Variants in CCDC66 observed in about 807,000 individuals in gnomAD.
CCDC66 encodes the protein coiled-coil domain containing 66, also known as coiled-coil domain-containing protein 66.
CCDC66 carries 133 observed loss-of-function variants against 128.3 expected under a neutral mutation model. That is an observed-to-expected ratio of 1.04 (90% CI 0.90 to 1.20). The LOEUF is 1.20. Ranked by LOEUF, CCDC66 falls within the 50% of genes most tolerant of loss-of-function variation. The pLI is 0.00. For missense variants in CCDC66, 1,126 were observed against 1,075.5 expected (o/e 1.05, Z -0.66); for synonymous variants, 387 against 357.0 (o/e 1.08, Z -0.95).
chr3:56,569,619 T>C (rs1434461275), intron 6 of CCDC66: 3 of 152,560 alleles, frequency 2.0e-5, no homozygotes, highest in Non-Finnish European at 4.4e-5. Context: ...GGGACAAATA[T>C]CCAAACTGTA....
At chr3:56,557,492 C>T (rs1185109394) in intron 1 of CCDC66, among the ~76,000 whole-genome samples, 1 of 152,090 alleles carries the variant, frequency 6.6e-6, no homozygotes, top group Non-Finnish European at 1.5e-5. Context: ...GCCAGTGATC[C>T]CCTTTCGGTC....
In CCDC66 at chr3:56,565,157, A is replaced by G. The variant is rs774096323; in HGVS notation, c.544+1032A>G. On this transcript the variant is annotated intron_variant, in intron 4 of 17. Transcript: ENST00000394672. ...AGCTGGGCATAGAGACAATTCATGA[A>G]AAGGTTTTCCACTGATTTCACAGCT... is the stretch of plus-strand genomic sequence containing the variant. 21 of 426,220 alleles carry G rather than the reference A, an allele frequency of 4.9e-5. No individual in the cohort carries two copies. In the Middle Eastern group the frequency reaches 1.0e-3, roughly 20 times the overall value. 26.4% of individuals were successfully genotyped at this position (426,220 alleles called of 1,614,324 possible).
At chr3:56,578,302 T>A (rs1347390200) in intron 7 of CCDC66, among the ~76,000 whole-genome samples, 3 of 151,834 alleles carry the variant, frequency 2.0e-5, no homozygotes, top group Non-Finnish European at 4.4e-5. Context: ...CTTAAGGAGA[T>A]TTGGGGCTGA....
intron 12 of CCDC66, 45 bp downstream of exon 12, chr3:56,615,317 G>A: frequency 6.5e-7 from 1 of 1,535,154 alleles, no homozygotes; most frequent in Non-Finnish European, 8.8e-7. Flanking sequence ...TTTAGAAGAT[G>A]ATTTTAAATA....
intron 10 of CCDC66, among the ~76,000 whole-genome samples, chr3:56,612,637 G>T (rs952546652): frequency 3.9e-5 from 6 of 152,202 alleles, no homozygotes; most frequent in Admixed American, 3.9e-4. Flanking sequence ...AGCAGCCAGT[G>T]GTGGTGTTGG....
At chr3:56,613,811 C>CAAAAACACAA in intron 11 of CCDC66, 61 bp downstream of exon 11, 1 of 1,412,388 alleles carries the variant, frequency 7.1e-7, no homozygotes, top group Non-Finnish European at 9.8e-7. Flanking sequence ...GACAGGGTCT[C>CAAAAACACAA]ACTCTTTTGC....
intron 3 of CCDC66, among the ~76,000 whole-genome samples, chr3:56,563,252 T>G (rs1396514058): frequency 6.6e-6 from 1 of 151,918 alleles, no homozygotes; most frequent in Non-Finnish European, 1.5e-5. Context: ...TCCCAGCTAC[T>G]CAGGTGGCTG....
rs781723355 is a variant in CCDC66 at position 56,593,554 on chromosome 3, T to C, written c.1132T>C (p.Ser378Pro). The C allele has an allele frequency of 1.9e-6, 3 of 1,614,110 alleles. No individual in the cohort carries two copies. In the Admixed American group the frequency reaches 5.0e-5, roughly 27 times the overall value. ...DSLKSYPGSQ[S>P]QLFSQSTHKQ... ...ATTAAAGAGTTATCCTGGTTCTCAA[T>C]CTCAGCTGTTCTCTCAGTCAACACA... The change falls in exon 9 of 18, where the codon TCT becomes CCT. Residue 378 changes from serine to proline, a missense_variant. Coordinates refer to ENST00000394672, the MANE Select transcript of CCDC66 (RefSeq NM_001141947.3).
At position 56,613,736 on chromosome 3, in the gene CCDC66, C is replaced by G; in HGVS notation, c.1552C>G (p.Gln518Glu). The change falls in exon 11 of 18, where the codon CAA becomes GAA. Residue 518 changes from glutamine to glutamate, a missense_variant. By Grantham distance (29) the Gln-to-Glu change is conservative. Transcript: ENST00000394672. ...ACAGTATGAAGAAGACATACTTAAG[C>G]AAAAACAAAAGGAAGTAGGTACTTA... ...QKQYEEDILK[Q>E]KQKEEIMTLK... The G allele has an allele frequency of 6.2e-7, 1 of 1,604,366 alleles. No homozygotes were observed. Among genetic ancestry groups the G allele is most frequent in the Non-Finnish European group, 8.5e-7 (1 of 1,176,912 alleles).
At chr3:56,597,776 G>GTTTTTTTTTTTTTTTTT (rs753875788) in intron 10 of CCDC66, among the ~76,000 whole-genome samples, 13,397 of 60,378 alleles carry the variant, frequency 0.22, 3,393 homozygotes, top group Non-Finnish European at 0.27. Flanking sequence ...TTTGTTTTGG[G>GTTTTTTTTTTTTTTTTT]GTTTTTTTTT....
chr3:56,597,523 A>T (rs747522968), intron 10 of CCDC66, among the ~76,000 whole-genome samples: 1 of 151,908 alleles, frequency 6.6e-6, no homozygotes, highest in Non-Finnish European at 1.5e-5. Context: ...ATGTCTTGCC[A>T]TTTGTTTGTA....
At chr3:56,606,593 G>A (rs1045091252) in intron 10 of CCDC66, among the ~76,000 whole-genome samples, 4 of 152,000 alleles carry the variant, frequency 2.6e-5, no homozygotes, top group Middle Eastern at 3.4e-3. Context: ...GCTTCGGCTC[G>A]CTCTCTGTGG....
chr3:56,602,576 G>A (rs1221995594), intron 10 of CCDC66, among the ~76,000 whole-genome samples: 1 of 151,964 alleles, frequency 6.6e-6, no homozygotes, highest in Non-Finnish European at 1.5e-5. Context: ...TGTACCTCTG[G>A]TAGAATTCTG....
At chr3:56,560,438 A>C (rs1170833290) in intron 3 of CCDC66, among the ~76,000 whole-genome samples, 2 of 152,124 alleles carry the variant, frequency 1.3e-5, no homozygotes, top group Non-Finnish European at 2.9e-5. Context: ...CCATTTAAAA[A>C]ATTTTTTTGA....
chr3:56,617,801 T>A (rs1048487256), intron 14 of CCDC66, 196 bp downstream of exon 14: 1 of 628,864 alleles, frequency 1.6e-6, no homozygotes, highest in Non-Finnish European at 2.7e-6. Context: ...CTCATTCTTT[T>A]ATGAATTGTC....
At chr3:56,582,848 C>T (rs9883641) in intron 7 of CCDC66, among the ~76,000 whole-genome samples, 32 of 132,820 alleles carry the variant, frequency 2.4e-4, no homozygotes, top group Non-Finnish European at 4.6e-4. Context: ...TCTCAACTTT[C>T]TTTATTATTA....
rs530416297 is a variant in CCDC66, at chr3:56,619,800, T to TTTGA, written c.2662_2665dup (p.Ser889Ter). 126 of 1,613,944 alleles carry TTTGA rather than the reference T, an allele frequency of 7.8e-5. No individual in the cohort carries two copies. Among genetic ancestry groups the TTTGA allele is most frequent in the Non-Finnish European group, 1.0e-4 (120 of 1,179,988 alleles). Reference sequence around the variant, plus strand: ...AGACTGTGGCCAAAAACGACAGCTATTTGATTCTGACTGTGTCAGGGATCC... The same window carrying TTTGA: ...AGACTGTGGCCAAAAACGACAGCTATTTGATTGATTCTGACTGTGTCAGGGATCC... On this transcript the variant is annotated frameshift_variant, in exon 17 of 18. Transcript: ENST00000394672. LOFTEE classifies it high-confidence loss of function.
At position 56,619,282 on chromosome 3, in the gene CCDC66, C is replaced by G. The variant is rs1203633230; in HGVS notation, c.2390C>G (p.Ser797Ter). 3 of 1,595,476 alleles carry G rather than the reference C, an allele frequency of 1.9e-6. No homozygotes were observed. The African/African-American group carries it at 4.1e-5, about 22-fold the overall frequency. ...HSFSKERSPS[S>*]PVPVVKNRTQ... is the part of the protein sequence containing the mutation. ...TTTTTTTTAAATAGGTCTCCATCAT[C>G]ACCAGTTCCAGTAGTGAAAAACAGA... The change falls in exon 16 of 18, where the codon TCA (serine) becomes TGA (stop). Residue 797 changes from serine to a stop codon, truncating the protein, a stop_gained. Transcript: ENST00000394672. LOFTEE classifies it high-confidence loss of function.
rs117056606 is a variant in CCDC66, at chr3:56,613,180, C to T, written c.1405-409C>T. ...TGTTTGTGGAGCCTAGTGTGAGCTC[C>T]CTCTTGAGCAGTGCTTTCATGTGGT... On this transcript the variant is annotated intron_variant, in intron 10 of 17. Transcript: ENST00000394672. Among the ~76,000 whole-genome samples, 38 of 152,252 alleles carry T rather than the reference C, an allele frequency of 2.5e-4. 1 individual carries two copies. The East Asian group carries it at 6.2e-3, about 25-fold the overall frequency.
Sources: allele counts gnomAD v4.1 joint callset (sites outside exome capture counted in the v4.1 genomes callset), GRCh38; gene constraint gnomAD v4.1.1; transcripts MANE v1.5; gene names NCBI Gene and HGNC (gene_info 2026-07-23, HGNC 2026-07-21).